GRIN2B: variants seen among roughly 807,000 people sequenced by gnomAD.
The protein encoded by GRIN2B is glutamate receptor ionotropic, NMDA 2B.
Under a neutral mutation model 114.5 loss-of-function variants are expected in GRIN2B, and 5 were observed. That is an observed-to-expected ratio of 0.04 (90% CI 0.02 to 0.09). The LOEUF (loss-of-function observed/expected upper bound fraction) is 0.09, where lower values mean the gene tolerates loss of function less well. GRIN2B is among the 10% of genes least tolerant of loss of function. The pLI is 1.00. For missense variants in GRIN2B, 1,108 were observed against 1,943.5 expected (o/e 0.57, Z 8.08); for synonymous variants, 787 against 745.1 (o/e 1.06, Z -0.92).
chr12:13,723,464 GCTCC>G (rs1661514587), intron 4 of GRIN2B, among the ~76,000 whole-genome samples: 1 of 149,260 alleles, frequency 6.7e-6, no homozygotes, highest in Admixed American at 6.8e-5. Flanking sequence ...CCTAAGCCCT[GCTCC>G]CTAGAATTAC....
At chr12:13,824,835 A>G (rs11055630) in intron 3 of GRIN2B, among the ~76,000 whole-genome samples, 44,797 of 144,424 alleles carry the variant, frequency 0.31, 7,236 homozygotes, top group Non-Finnish European at 0.35. Context: ...CAGCCTGGGC[A>G]ACAGAGCGAG....
At chr12:13,654,339 G>A (rs977178615) in intron 5 of GRIN2B, among the ~76,000 whole-genome samples, 1 of 152,182 alleles carries the variant, frequency 6.6e-6, no homozygotes, top group Non-Finnish European at 1.5e-5. Flanking sequence ...ATTTGAAAAT[G>A]TGTGCATGTT....
intron 4 of GRIN2B, among the ~76,000 whole-genome samples, chr12:13,677,438 T>C (rs1314684072): frequency 6.6e-6 from 1 of 152,148 alleles, no homozygotes; most frequent in Non-Finnish European, 1.5e-5. Context: ...CACTTCTCAT[T>C]TCCAGAACTA....
intron 4 of GRIN2B, among the ~76,000 whole-genome samples, chr12:13,710,866 G>GA (rs1161470718): frequency 2.0e-5 from 3 of 151,772 alleles, no homozygotes; most frequent in Non-Finnish European, 2.9e-5. Context: ...CACAGAATTG[G>GA]AAAAAAACTA....
intron 4 of GRIN2B, among the ~76,000 whole-genome samples, chr12:13,727,933 G>C (rs1863020068): frequency 6.6e-6 from 1 of 152,176 alleles, no homozygotes; most frequent in Non-Finnish European, 1.5e-5. Context: ...CTTCTCCTGG[G>C]CATGGATAGC....
At chr12:13,667,757 A>G (rs1287889358) in intron 5 of GRIN2B, among the ~76,000 whole-genome samples, 1 of 152,198 alleles carries the variant, frequency 6.6e-6, no homozygotes, top group Non-Finnish European at 1.5e-5. Flanking sequence ...TCTGTATTGT[A>G]TTACAGTGTA....
At chr12:13,756,160 C>T (rs1272483414) in intron 3 of GRIN2B, among the ~76,000 whole-genome samples, 3 of 152,198 alleles carry the variant, frequency 2.0e-5, no homozygotes, top group South Asian at 2.1e-4. Flanking sequence ...GGATTACAGG[C>T]GCCCACCACC....
chr12:13,639,671 C>G (rs1195799540), intron 5 of GRIN2B, among the ~76,000 whole-genome samples: 1 of 152,124 alleles, frequency 6.6e-6, no homozygotes, highest in East Asian at 1.9e-4. Flanking sequence ...CTGATCAGCA[C>G]TCAGAATGCT....
chr12:13,560,503 GTT>G lies in GRIN2B; in HGVS notation c.*2278_*2279del, dbSNP rs940786975. 1 of 152,246 alleles carries G rather than the reference GTT, an allele frequency of 6.6e-6. No individual in the cohort carries two copies. The highest frequency in any genetic ancestry group is 6.5e-5 in the Admixed American group (1 of 15,272). 9.4% of individuals were successfully genotyped at this position (152,246 alleles called of 1,614,324 possible). ...GCTGTTCGCTAGGTTAGTTGGTTTGGTTTTTTTGTTTGAAAGGGGTGAGGTAA... is the reference window on the plus strand; with the variant it reads ...GCTGTTCGCTAGGTTAGTTGGTTTGGTTTTTGTTTGAAAGGGGTGAGGTAA... On this transcript the variant is annotated 3_prime_UTR_variant, in exon 14 of 14. Coordinates refer to ENST00000609686, the MANE Select transcript of GRIN2B (RefSeq NM_000834.5).
intron 2 of GRIN2B, among the ~76,000 whole-genome samples, chr12:13,961,727 G>A (rs927411767): frequency 1.3e-5 from 2 of 152,136 alleles, no homozygotes; most frequent in African/African-American, 4.8e-5. Context: ...AGGGTTGAGA[G>A]CATTTATTTA....
At chr12:13,614,243 T>C (rs1049913077) in intron 8 of GRIN2B, among the ~76,000 whole-genome samples, 2 of 152,172 alleles carry the variant, frequency 1.3e-5, no homozygotes, top group Non-Finnish European at 1.5e-5. Context: ...TTCCCTATGG[T>C]TAGAGCTTAA....
chr12:13,656,634 C>T (rs1450786669), intron 5 of GRIN2B, among the ~76,000 whole-genome samples: 1 of 152,168 alleles, frequency 6.6e-6, no homozygotes, highest in East Asian at 1.9e-4. Context: ...ACCTCCCTTC[C>T]AAGCATCCTT....
rs539844103 is a variant in GRIN2B at position 13,555,676 on chromosome 12, A to C, written c.*7107T>G. On this transcript the variant is annotated 3_prime_UTR_variant, in exon 14 of 14. Transcript: ENST00000609686. ...CAAGAGAAATCTAAAGGCAGAGAGG[A>C]CAGCATATGTGAGGATTCAATAATC... The C allele has an allele frequency of 1.3e-5, 2 of 152,330 alleles. No individual in the cohort carries two copies. The highest frequency in any genetic ancestry group is 4.1e-4 in the South Asian group (2 of 4,834). 9.4% of individuals were successfully genotyped at this position (152,330 alleles called of 1,614,324 possible). A position where few individuals can be genotyped will look rare whatever the true frequency, so the allele number is the denominator to read the frequency against.
intron 4 of GRIN2B, among the ~76,000 whole-genome samples, chr12:13,724,694 A>G (rs1862948769): frequency 6.6e-6 from 1 of 151,998 alleles, no homozygotes; most frequent in South Asian, 2.1e-4. Context: ...AGCACCTGTC[A>G]CTCACAGGGT....
chr12:13,956,324 C>A (rs188439087), intron 2 of GRIN2B, among the ~76,000 whole-genome samples: 3 of 152,078 alleles, frequency 2.0e-5, no homozygotes, highest in Non-Finnish European at 4.4e-5. Context: ...TCATTCTGCA[C>A]GCAATAATGA....
chr12:13,698,829 C>T (rs1320644813), intron 4 of GRIN2B, among the ~76,000 whole-genome samples: 4 of 152,042 alleles, frequency 2.6e-5, no homozygotes, highest in Non-Finnish European at 5.9e-5. Flanking sequence ...ACTACAGGCG[C>T]GCACCACCAT....
intron 2 of GRIN2B, among the ~76,000 whole-genome samples, chr12:13,973,365 A>G (rs1862962948): frequency 6.6e-6 from 1 of 152,140 alleles, no homozygotes; most frequent in Non-Finnish European, 1.5e-5. Context: ...GCGTGTAGAC[A>G]GCATAGTTTG....
chr12:13,957,325 T>C (rs1211959183), intron 2 of GRIN2B, among the ~76,000 whole-genome samples: 1 of 152,078 alleles, frequency 6.6e-6, no homozygotes, highest in Non-Finnish European at 1.5e-5. Flanking sequence ...TTGGTGTGTA[T>C]ACCATATACA....
rs5796568 is a variant in GRIN2B, at chr12:13,932,952, C to CGTGT, written c.-19+46972_-19+46975dup. Among the ~76,000 whole-genome samples, 92 of 148,796 alleles carry CGTGT rather than the reference C, an allele frequency of 6.2e-4. 1 individual carries two copies. The highest frequency in any genetic ancestry group is 1.7e-3 in the African/African-American group (70 of 40,140). On this transcript the variant is annotated intron_variant, in intron 2 of 13. Coordinates refer to ENST00000609686, the MANE Select transcript of GRIN2B (RefSeq NM_000834.5). ...TTGTTTGCACTGAAAAGGGCTTTGT[C>CGTGT]GTGTGTGTGTGTGTGTGTGTGTGTG...
Sources: allele counts gnomAD v4.1 joint callset (sites outside exome capture counted in the v4.1 genomes callset), GRCh38; gene constraint gnomAD v4.1.1; transcripts MANE v1.5; gene names NCBI Gene and HGNC (gene_info 2026-07-23, HGNC 2026-07-21).